Variants in ADGRG2 observed in about 807,000 individuals in gnomAD.
ADGRG2 encodes G protein-coupled receptor 64.
ADGRG2 carries 26 observed loss-of-function variants against 74.1 expected under a neutral mutation model. The ratio of observed to expected loss-of-function variants is 0.35; its 90% CI spans 0.26 to 0.49. The LOEUF (loss-of-function observed/expected upper bound fraction) is 0.49, where lower values mean the gene tolerates loss of function less well. Ranked by LOEUF, ADGRG2 falls within the 20% of genes least tolerant of loss-of-function variation. The pLI is 0.99. For missense variants in ADGRG2, 619 were observed against 763.1 expected (o/e 0.81, Z 2.22); for synonymous variants, 296 against 295.2 (o/e 1.00, Z -0.03).
chrX:19,006,682 C>CTGA (rs2060239342), intron 20 of ADGRG2, among the ~76,000 whole-genome samples: 1 of 109,831 alleles, frequency 9.1e-6, no homozygotes, highest in African/African-American at 3.3e-5. Flanking sequence ...TCCACACACA[C>CTGA]TGATATCTGA....
intron 18 of ADGRG2, among the ~76,000 whole-genome samples, chrX:19,008,929 C>T (rs1191860736): frequency 9.0e-6 from 1 of 111,312 alleles, no homozygotes; most frequent in African/African-American, 3.3e-5. Flanking sequence ...CCCAATCCCT[C>T]TAAATAGGTG....
chrX:19,017,877 AAC>A (rs1242365835), intron 15 of ADGRG2, among the ~76,000 whole-genome samples: 1 of 111,251 alleles, frequency 9.0e-6, no homozygotes, highest in Non-Finnish European at 1.9e-5. Flanking sequence ...AAAAAAAAAA[AAC>A]AAACAAAACT....
intron 15 of ADGRG2, among the ~76,000 whole-genome samples, chrX:19,017,097 C>G (rs1166144628): frequency 9.0e-6 from 1 of 111,542 alleles, no homozygotes; most frequent in Non-Finnish European, 1.9e-5. Context: ...ACTAGCACTG[C>G]TCTACAGTCT....
At chrX:19,019,783 C>A in intron 14 of ADGRG2, 118 bp from the exon 15 acceptor site, 1 of 456,595 alleles carries the variant, frequency 2.2e-6, no homozygotes, top group South Asian at 3.9e-5. Flanking sequence ...GAGCAATTGT[C>A]TAAAACAGGT....
intron 1 of ADGRG2, among the ~76,000 whole-genome samples, chrX:19,088,501 T>C (rs1372511221): frequency 8.9e-6 from 1 of 112,369 alleles, no homozygotes; most frequent in Non-Finnish European, 1.9e-5. Flanking sequence ...GTTTGTTTAT[T>C]TGTTTTTTCT....
rs763811103 is a variant in ADGRG2, at chrX:19,006,013, C to T, written c.1828G>A (p.Gly610Ser). 2.1e-5 allele frequency: 25 copies of T among 1,194,831 alleles called. No homozygotes were observed. Among genetic ancestry groups the T allele is most frequent in the Admixed American group, 2.0e-4 (9 of 45,671 alleles). ...CACAGGCATATTACCAGCAGAACGCCGAAGCTTGTTAGATGGCTACAGGTA... is the reference window on the plus strand; with the variant it reads ...CACAGGCATATTACCAGCAGAACGCTGAAGCTTGTTAGATGGCTACAGGTA... ...ICTCSHLTSF[G>S]VLLDLSRTSV... is the part of the protein sequence containing the mutation. Residue 610 changes from glycine to serine, a missense_variant, in exon 22 of 29, where the codon GGC becomes AGC. Coordinates refer to ENST00000379869, the MANE Select transcript of ADGRG2 (RefSeq NM_001079858.3).
At chrX:19,071,606 G>A (rs991293811) in intron 2 of ADGRG2, among the ~76,000 whole-genome samples, 2 of 111,189 alleles carry the variant, frequency 1.8e-5, no homozygotes, top group East Asian at 2.8e-4. Context: ...CAGGAGAAGG[G>A]TTATCCTTGA....
intron 6 of ADGRG2, 39 bp from the exon 7 acceptor site, chrX:19,036,016 T>A (rs763101955): frequency 7.4e-5 from 51 of 691,093 alleles, no homozygotes; most frequent in Non-Finnish European, 1.0e-4. Flanking sequence ...ACTACTGGCA[T>A]GGTTTACAAA....
At chrX:19,019,325 C>T (rs1049448315) in intron 15 of ADGRG2, among the ~76,000 whole-genome samples, 51 of 111,524 alleles carry the variant, frequency 4.6e-4, no homozygotes, top group African/African-American at 1.5e-3. Flanking sequence ...CCTATCAGAC[C>T]GTCAAACATG....
At chrX:19,075,840 C>T (rs2061740687) in intron 2 of ADGRG2, among the ~76,000 whole-genome samples, 1 of 110,891 alleles carries the variant, frequency 9.0e-6, no homozygotes, top group Non-Finnish European at 1.9e-5. Context: ...CAAACAGAAA[C>T]TGTGATGTTG....
At chrX:19,019,035 T>C (rs925774811) in intron 15 of ADGRG2, among the ~76,000 whole-genome samples, 2 of 111,149 alleles carry the variant, frequency 1.8e-5, no homozygotes, top group African/African-American at 3.3e-5. Context: ...TTAGTAGAGC[T>C]GGGGTTTCAC....
intron 13 of ADGRG2, 104 bp from the exon 14 acceptor site, chrX:19,021,302 T>C: frequency 1.9e-6 from 1 of 526,931 alleles, no homozygotes; most frequent in Non-Finnish European, 3.4e-6. Context: ...GGGACACTGA[T>C]ACTGTTAACT....
At chrX:19,097,238 GTT>G (rs777920906) in intron 1 of ADGRG2, among the ~76,000 whole-genome samples, 51 of 112,980 alleles carry the variant, frequency 4.5e-4, no homozygotes, top group African/African-American at 1.4e-3. Context: ...TTGGCCAGGC[GTT>G]GTGGCTTACG....
At chrX:19,076,586 T>C (rs967697054) in intron 2 of ADGRG2, among the ~76,000 whole-genome samples, 9 of 111,610 alleles carry the variant, frequency 8.1e-5, no homozygotes, top group African/African-American at 2.9e-4. Flanking sequence ...CTGGCCAACA[T>C]GGTGAAACCC....
chrX:19,051,122 C>T (rs930807904), intron 3 of ADGRG2, among the ~76,000 whole-genome samples: 2 of 111,898 alleles, frequency 1.8e-5, no homozygotes, highest in Admixed American at 9.5e-5. Flanking sequence ...TCGCCCAGGC[C>T]GGACTGCAGT....
rs1056387557 is a variant in ADGRG2, at chrX:19,032,157, G to A, written c.305-1120C>T. ...TGCATGTGATATGCTTTCTGCTAGT[G>A]TGATTTATTGATGTACAGGCATCAT... On this transcript the variant is annotated intron_variant, in intron 8 of 28. Transcript: ENST00000379869. 4 of 111,662 alleles carry A rather than the reference G, an allele frequency of 3.6e-5. No homozygotes were observed. In the Admixed American group the frequency reaches 3.8e-4, roughly 11 times the overall value. 9.2% of individuals were successfully genotyped at this position (111,662 alleles called of 1,213,427 possible). A position where few individuals can be genotyped will look rare whatever the true frequency, so the allele number is the denominator to read the frequency against.
chrX:19,094,823 C>A (rs754192224), intron 1 of ADGRG2, among the ~76,000 whole-genome samples: 1 of 112,633 alleles, frequency 8.9e-6, no homozygotes, highest in Non-Finnish European at 1.9e-5. Flanking sequence ...GAACGGGAAG[C>A]CTTGGATGGT....
At position 19,034,033 on chromosome X, in the gene ADGRG2, T is replaced by A. The variant is rs376406751; in HGVS notation, c.263-379A>T. On this transcript the variant is annotated intron_variant, in intron 7 of 28. Transcript: ENST00000379869. ...GGTGATAGGTTGTAAAAACAGGTAATTCAGAATAAAAATTAATGTGAAACA... is the reference window on the plus strand; with the variant it reads ...GGTGATAGGTTGTAAAAACAGGTAAATCAGAATAAAAATTAATGTGAAACA... 3.2e-4 allele frequency: 40 copies of A among 123,108 alleles called. 1 individual carries two copies. Among genetic ancestry groups the A allele is most frequent in the African/African-American group, 1.3e-3 (40 of 30,986 alleles). The allele number at this position is 123,108 out of a possible 1,213,427, so 10.1% of individuals were successfully genotyped here.
chrX:19,112,636 G>A (rs1384833244), intron 1 of ADGRG2, among the ~76,000 whole-genome samples: 2 of 96,081 alleles, frequency 2.1e-5, no homozygotes. Flanking sequence ...AACCAGACAT[G>A]ATTAATGTTC....
Sources: allele counts gnomAD v4.1 joint callset (sites outside exome capture counted in the v4.1 genomes callset), GRCh38; gene constraint gnomAD v4.1.1; transcripts MANE v1.5; gene names NCBI Gene and HGNC (gene_info 2026-07-23, HGNC 2026-07-21).